Variants in POMT2 observed in about 807,000 individuals in gnomAD.
The protein encoded by POMT2 is protein O-mannosyl-transferase 2.
Under a neutral mutation model 100.0 loss-of-function variants are expected in POMT2, and 75 were observed. That is an observed-to-expected ratio of 0.75 (90% CI 0.62 to 0.91). The LOEUF is 0.91. POMT2 is among the 40% of genes least tolerant of loss of function. POMT2 has a pLI of 0.00. For missense variants in POMT2, 940 were observed against 955.1 expected, an observed-to-expected ratio of 0.98 and a Z score of 0.21; for synonymous variants, 378 against 374.1, an observed-to-expected ratio of 1.01 and a Z score of -0.12.
intron 9 of POMT2, among the ~76,000 whole-genome samples, chr14:77,293,635 T>G (rs1890720555): frequency 6.6e-6 from 1 of 152,246 alleles, no homozygotes; most frequent in African/African-American, 2.4e-5. Context: ...GAAGGGCCAC[T>G]GGAGATTATT....
intron 11 of POMT2, 31 bp from the exon 12 acceptor site, chr14:77,286,853 C>T (rs1594890985): frequency 6.2e-7 from 1 of 1,614,052 alleles, no homozygotes; most frequent in Non-Finnish European, 8.5e-7. Flanking sequence ...GTGTCATTAT[C>T]CTATAGAAAG....
At chr14:77,312,290 A>G (rs755477427) in intron 1 of POMT2, 2 of 406,108 alleles carry the variant, frequency 4.9e-6, no homozygotes, top group Non-Finnish European at 8.9e-6. Context: ...AAATATACAT[A>G]TACTTACTCT....
Position 77,320,536 on chromosome 14 carries a change from G to A in POMT2, c.146C>T (p.Ser49Leu), listed in dbSNP as rs1240580014. The change falls in exon 1 of 21, where the codon TCA becomes TTA. Residue 49 changes from serine to leucine, a missense_variant. By Grantham distance (145) the Ser-to-Leu change is moderately radical. Transcript: ENST00000261534. ...ARSPKRPAWG[S>L]RRFEAVGWWA... is the part of the protein sequence containing the mutation. ...CCAGCCGACCGCCTCGAAGCGCCGT[G>A]AGCCCCAAGCAGGCCGTTTGGGGCT... 1.9e-6 allele frequency: 3 copies of A among 1,561,690 alleles called. No individual in the cohort carries two copies. The African/African-American group carries it at 4.1e-5, about 21-fold the overall frequency.
At chr14:77,291,247 T>G in intron 10 of POMT2, 67 bp downstream of exon 10, 70 of 1,458,776 alleles carry the variant, frequency 4.8e-5, no homozygotes, top group Non-Finnish European at 6.1e-5. Context: ...TTTGCAGGCA[T>G]GAGAAATCTT....
chr14:77,318,635 A>C (rs1891712302), intron 1 of POMT2, among the ~76,000 whole-genome samples: 1 of 152,178 alleles, frequency 6.6e-6, no homozygotes, highest in Non-Finnish European at 1.5e-5. Flanking sequence ...CCAAATAAAA[A>C]TCTAACAAAA....
chr14:77,284,799 TACAG>T, intron 14 of POMT2, 147 bp downstream of exon 14: 1 of 707,784 alleles, frequency 1.4e-6, no homozygotes, highest in South Asian at 1.7e-5. Context: ...GCTATGTAGG[TACAG>T]ACAACTCATA....
At chr14:77,302,727 T>G in intron 5 of POMT2, 108 bp downstream of exon 5, 9 of 823,194 alleles carry the variant, frequency 1.1e-5, no homozygotes, top group African/African-American at 5.1e-5. Flanking sequence ...TGCCTTAAAA[T>G]CAGCTTCAAG....
In POMT2 at chr14:77,275,449, T is replaced by C. The variant is rs1339457614; in HGVS notation, c.*1927A>G. 2 of 152,254 alleles carry C rather than the reference T, an allele frequency of 1.3e-5. No homozygotes were observed. The highest frequency in any genetic ancestry group is 4.8e-5 in the African/African-American group (2 of 41,418). The allele number at this position is 152,254 out of a possible 1,614,324, so 9.4% of individuals were successfully genotyped here. On this transcript the variant is annotated 3_prime_UTR_variant, in exon 21 of 21. Transcript: ENST00000261534. ...CCTTCAGAGCTCTTCCCTTCCAAGT[T>C]CCTACTGAGAAATAAGAAGGCACAA...
Position 77,304,696 on chromosome 14 carries a change from G to A in POMT2, c.543C>T (p.Thr181=), listed in dbSNP as rs2139493837. Residue 181 remains threonine, a synonymous_variant, in exon 4 of 21, where the codon ACC becomes ACT. Transcript: ENST00000261534. The stretch of plus-strand genomic sequence containing the variant: ...GGTATGGCTAAGACAACTTACCAAA[G>A]GTGAGGAGGGCAGCTGTGAGCAGTG... ...SAALLTAALL[T]FDTGCLTLSQ... The A allele has an allele frequency of 6.3e-7, 1 of 1,584,580 alleles. No homozygotes were observed. The highest frequency in any genetic ancestry group is 8.6e-7 in the Non-Finnish European group (1 of 1,166,284).
chr14:77,291,365 G>A lies in POMT2; in HGVS notation c.1132C>T (p.His378Tyr), dbSNP rs1890634464. 1.5e-6 allele frequency: 2 copies of A among 1,345,778 alleles called. No homozygotes were observed. Among genetic ancestry groups the A allele is most frequent in the Non-Finnish European group, 9.9e-7 (1 of 1,012,788 alleles). The allele number at this position is 1,345,778 out of a possible 1,614,324, so 83.4% of individuals were successfully genotyped here. A position where few individuals can be genotyped will look rare whatever the true frequency, so the allele number is the denominator to read the frequency against. ...ATCCACAGGTTGTTGTAGTCCTTGT[G>A]CAAATAGGTGGTGACCTGGGTGGGG... is the stretch of plus-strand genomic sequence containing the variant. ...ARQQQVTTYL[H>Y]KDYNNLWIIK... The change falls in exon 10 of 21, where the codon CAC becomes TAC. Residue 378 changes from histidine to tyrosine, a missense_variant. By Grantham distance (83) the His-to-Tyr change is moderately conservative. Coordinates refer to ENST00000261534, the MANE Select transcript of POMT2 (RefSeq NM_013382.7).
chr14:77,279,050 A>G, intron 18 of POMT2, 181 bp from the exon 19 acceptor site: 1 of 839,988 alleles, frequency 1.2e-6, no homozygotes, highest in Non-Finnish European at 1.9e-6. Context: ...AGCTCTGGTC[A>G]GGGCCCAGCC....
chr14:77,315,356 C>T (rs535673329), intron 1 of POMT2, among the ~76,000 whole-genome samples: 2 of 152,186 alleles, frequency 1.3e-5, no homozygotes, highest in South Asian at 2.1e-4. Flanking sequence ...CCACACTCTC[C>T]GACTGGGAAA....
At chr14:77,315,777 C>T (rs1269748049) in intron 1 of POMT2, among the ~76,000 whole-genome samples, 3 of 152,190 alleles carry the variant, frequency 2.0e-5, no homozygotes, top group Non-Finnish European at 4.4e-5. Flanking sequence ...TTTGGGAGGC[C>T]GAGGCGGGCG....
intron 19 of POMT2, 50 bp from the exon 20 acceptor site, chr14:77,278,558 T>C (rs771867777): frequency 2.8e-6 from 4 of 1,446,928 alleles, no homozygotes; most frequent in Admixed American, 3.9e-5. Flanking sequence ...GGGTGACTTC[T>C]GGGCTACAGA....
chr14:77,287,532 C>T (rs1277638389), intron 11 of POMT2: 1 of 105,492 alleles, frequency 9.5e-6, no homozygotes, highest in Admixed American at 1.0e-4. Flanking sequence ...CTCTCTCTCT[C>T]TCTCTCTCTC....
Position 77,283,910 on chromosome 14 carries a change from T to TACATTC in POMT2, c.1577-43_1577-38dup, listed in dbSNP as rs1426087079. 2.0e-6 allele frequency: 3 copies of TACATTC among 1,521,020 alleles called. No individual in the cohort carries two copies. In the African/African-American group the frequency reaches 4.1e-5, roughly 21 times the overall value. The allele number at this position is 1,521,020 out of a possible 1,614,324, so 94.2% of individuals were successfully genotyped here. A position where few individuals can be genotyped will look rare whatever the true frequency, so the allele number is the denominator to read the frequency against. On this transcript the variant is annotated intron_variant, in intron 14 of 20. Transcript: ENST00000261534. The stretch of plus-strand genomic sequence containing the variant: ...AAATGCAGGAGAAAAGCCTTTGTCA[T>TACATTC]ACATTCTTTCCTCAGTCTGTCCATG...
intron 9 of POMT2, 77 bp from the exon 10 acceptor site, chr14:77,291,457 A>G: frequency 1.9e-6 from 3 of 1,557,712 alleles, no homozygotes; most frequent in Non-Finnish European, 2.6e-6. Context: ...CTGGCCAAGG[A>G]CAATCAACCT....
chr14:77,296,098 G>T, intron 9 of POMT2, 66 bp downstream of exon 9: 1 of 1,222,380 alleles, frequency 8.2e-7, no homozygotes, highest in Non-Finnish European at 1.2e-6. Context: ...AGGATAGGAG[G>T]CAAGAGAGTG....
intron 17 of POMT2, 46 bp from the exon 18 acceptor site, chr14:77,279,974 A>C: frequency 6.2e-7 from 1 of 1,614,152 alleles, no homozygotes; most frequent in Non-Finnish European, 8.5e-7. Flanking sequence ...GCCGCTCTCC[A>C]CGGGCAAGTG....
Sources: gnomAD v4.1 joint callset for allele counts (sites outside exome capture counted in the v4.1 genomes callset) on GRCh38, gnomAD v4.1.1 for gene constraint, MANE v1.5 for transcripts, NCBI Gene and HGNC (gene_info 2026-07-23, HGNC 2026-07-21) for gene names.